SEMA5A: variants seen among roughly 807,000 people sequenced by gnomAD.
SEMA5A encodes the protein semaphorin-5A.
In SEMA5A, 55 loss-of-function variants were observed where a neutral mutation model predicts 135.5. The ratio of observed to expected loss-of-function variants is 0.41; its 90% CI spans 0.33 to 0.51. The LOEUF is 0.51. Among genes scored for constraint, SEMA5A ranks in the 20% least tolerant of loss-of-function variants. The probability of loss-of-function intolerance (pLI) is 0.37; values close to 1 mark genes in which losing one functional copy is unlikely to be tolerated. For synonymous variants in SEMA5A, 580 were observed against 546.5 expected (o/e 1.06, Z -0.85); for missense variants, 1,290 against 1,419.9 (o/e 0.91, Z 1.47).
intron 1 of SEMA5A, among the ~76,000 whole-genome samples, chr5:9,481,775 G>C (rs1264031620): frequency 1.3e-5 from 2 of 152,148 alleles, no homozygotes; most frequent in African/African-American, 2.4e-5. Context: ...GGAAATCACA[G>C]AAAGGCCACT....
chr5:9,151,733 A>T (rs904264156), intron 12 of SEMA5A, among the ~76,000 whole-genome samples: 1 of 152,106 alleles, frequency 6.6e-6, no homozygotes, highest in African/African-American at 2.4e-5. Flanking sequence ...GCAAAAACTA[A>T]CCCCCTCTGA....
At chr5:9,216,364 T>C (rs1746628508) in intron 8 of SEMA5A, among the ~76,000 whole-genome samples, 1 of 152,192 alleles carries the variant, frequency 6.6e-6, no homozygotes, top group Non-Finnish European at 1.5e-5. Context: ...TTGGTATGGT[T>C]TTGGTTCTTT....
intron 5 of SEMA5A, among the ~76,000 whole-genome samples, chr5:9,248,881 C>A (rs565446748): frequency 3.2e-4 from 48 of 152,278 alleles, no homozygotes; most frequent in Non-Finnish European, 5.9e-4. Flanking sequence ...TTAATTTGGA[C>A]TCCTAGCCTC....
At chr5:9,056,238 G>C (rs945751891) in intron 18 of SEMA5A, among the ~76,000 whole-genome samples, 1 of 152,188 alleles carries the variant, frequency 6.6e-6, no homozygotes, top group Non-Finnish European at 1.5e-5. Flanking sequence ...TCAGCATCAT[G>C]AATCAACAGG....
chr5:9,237,853 G>A lies in SEMA5A; in HGVS notation c.308C>T (p.Ala103Val). The A allele has an allele frequency of 6.2e-7, 1 of 1,613,496 alleles. No individual in the cohort carries two copies. The highest frequency in any genetic ancestry group is 2.2e-5 in the East Asian group (1 of 44,842). ...CTTTGATTTGCCTTTGCTGTAACAGGCCTTTTTGGTAGCTTCATCACACTC... is the reference window on the plus strand; with the variant it reads ...CTTTGATTTGCCTTTGCTGTAACAGACCTTTTTGGTAGCTTCATCACACTC... ...EWECDEATKK[A>V]CYSKGKSKEE... Residue 103 changes from alanine (A) to valine (V), a missense_variant, in exon 6 of 23, where the codon GCC (alanine) becomes GTC (valine). Ala to Val is a moderately conservative substitution (Grantham distance 64). Coordinates refer to ENST00000382496, the MANE Select transcript of SEMA5A (RefSeq NM_003966.3).
intron 21 of SEMA5A, chr5:9,045,821 T>C (rs539263412): frequency 6.6e-6 from 1 of 152,340 alleles, no homozygotes; most frequent in South Asian, 2.1e-4. Context: ...ATACAAAGCA[T>C]TCAGAAAATT....
chr5:9,056,538 A>T (rs754547651), intron 18 of SEMA5A, among the ~76,000 whole-genome samples: 3 of 152,218 alleles, frequency 2.0e-5, no homozygotes, highest in Non-Finnish European at 4.4e-5. Context: ...CCTGGCCAAC[A>T]TGGTGAAACC....
At position 9,038,607 on chromosome 5, in the gene SEMA5A, G is replaced by A. The variant is rs976682400; in HGVS notation, c.*4290C>T. The stretch of plus-strand genomic sequence containing the variant: ...TAACAAGGCTGTGTTTAGACAAAAC[G>A]ATTAGCTGAGTATAGACTTGATATA... On this transcript the variant is annotated 3_prime_UTR_variant, in exon 23 of 23. Transcript: ENST00000382496. 2.0e-5 allele frequency: 3 copies of A among 152,132 alleles called. No homozygotes were observed. Among genetic ancestry groups the A allele is most frequent in the Non-Finnish European group, 4.4e-5 (3 of 68,028 alleles). The allele number at this position is 152,132 out of a possible 1,614,324, so 9.4% of individuals were successfully genotyped here. A position where few individuals can be genotyped will look rare whatever the true frequency, so the allele number is the denominator to read the frequency against.
rs182314797 is a variant in SEMA5A, at chr5:9,110,678, G to A, written c.1926-2391C>T. ...ATGTGTAGGGGGTGAAGGAGCCTCCGGAGAGTCAAGAACCAACTGGGCAAG... is the reference window on the plus strand; with the variant it reads ...ATGTGTAGGGGGTGAAGGAGCCTCCAGAGAGTCAAGAACCAACTGGGCAAG... On this transcript the variant is annotated intron_variant, in intron 15 of 22. Coordinates refer to ENST00000382496, the MANE Select transcript of SEMA5A (RefSeq NM_003966.3). Among the ~76,000 whole-genome samples the A allele has an allele frequency of 2.8e-3, 432 of 152,250 alleles. 2 individuals carry two copies. The highest frequency in any genetic ancestry group is 3.8e-3 in the Non-Finnish European group (260 of 68,024).
At chr5:9,219,938 C>T (rs192637907) in intron 8 of SEMA5A, among the ~76,000 whole-genome samples, 296 of 151,878 alleles carry the variant, frequency 1.9e-3, no homozygotes, top group African/African-American at 7.0e-3. Flanking sequence ...CCTCAGTAGG[C>T]GGGCATGGTG....
intron 2 of SEMA5A, among the ~76,000 whole-genome samples, chr5:9,389,635 A>G (rs1297293131): frequency 1.3e-5 from 2 of 151,988 alleles, no homozygotes; most frequent in African/African-American, 4.8e-5. Context: ...TTTAGAACCC[A>G]TGCCCTCCTC....
chr5:9,238,728 T>C (rs1290331632), intron 5 of SEMA5A, among the ~76,000 whole-genome samples: 3 of 151,906 alleles, frequency 2.0e-5, no homozygotes, highest in African/African-American at 7.2e-5. Flanking sequence ...TATCATTGTA[T>C]AGAGTGTGAA....
At chr5:9,495,201 G>A (rs534810939) in intron 1 of SEMA5A, among the ~76,000 whole-genome samples, 2 of 152,256 alleles carry the variant, frequency 1.3e-5, no homozygotes, top group African/African-American at 4.8e-5. Context: ...GATACCTGGC[G>A]TCCCTGTGAG....
rs113875412 is a variant in SEMA5A, at chr5:9,349,926, C to CA, written c.125-12115dup. ...CAAAAAAACAAAACAAACAAACAAA[C>CA]AAAAAAAAAACATGCTATCAAAATA... is the stretch of plus-strand genomic sequence containing the variant. On this transcript the variant is annotated intron_variant, in intron 3 of 22. Transcript: ENST00000382496. Among the ~76,000 whole-genome samples, 608 of 147,782 alleles carry CA rather than the reference C, an allele frequency of 4.1e-3. 3 individuals are homozygous for CA. The highest frequency in any genetic ancestry group is 0.012 in the African/African-American group (488 of 40,242).
intron 5 of SEMA5A, among the ~76,000 whole-genome samples, chr5:9,282,391 T>G (rs893947987): frequency 7.9e-5 from 12 of 152,298 alleles, no homozygotes; most frequent in African/African-American, 2.9e-4. Flanking sequence ...TATTTGTCTC[T>G]GCGGTTTTCA....
intron 16 of SEMA5A, among the ~76,000 whole-genome samples, chr5:9,079,543 A>G (rs1306779939): frequency 1.3e-5 from 2 of 151,956 alleles, no homozygotes; most frequent in African/African-American, 2.4e-5. Flanking sequence ...CAAGCAGATG[A>G]CAAGAAATAA....
intron 11 of SEMA5A, among the ~76,000 whole-genome samples, chr5:9,156,929 T>C (rs1742987232): frequency 6.6e-6 from 1 of 152,284 alleles, no homozygotes; most frequent in Non-Finnish European, 1.5e-5. Flanking sequence ...ATAGTTTGAC[T>C]TAAAAGAGTG....
Position 9,380,163 on chromosome 5 carries a change from T to C in SEMA5A, c.-77-140A>G, listed in dbSNP as rs138071550. ...AGCTTGGAGGGCTTAGAGCAGCATA[T>C]TTTTCTAGTCATATCCCAGGTCGTG... On this transcript the variant is annotated intron_variant, in intron 2 of 22. Transcript: ENST00000382496. 6.0e-4 allele frequency: 337 copies of C among 558,246 alleles called. 6 individuals carry two copies. Among genetic ancestry groups the C allele is most frequent in the African/African-American group, 5.8e-3 (311 of 53,436 alleles). 34.6% of individuals were successfully genotyped at this position (558,246 alleles called of 1,614,324 possible).
chr5:9,333,638 CCAGT>C (rs1212817035), intron 4 of SEMA5A, among the ~76,000 whole-genome samples: 2 of 152,126 alleles, frequency 1.3e-5, no homozygotes, highest in Non-Finnish European at 2.9e-5. Context: ...TATACAAAAA[CCAGT>C]CATAATATAT....
Sources: allele counts gnomAD v4.1 joint callset (sites outside exome capture counted in the v4.1 genomes callset), GRCh38; gene constraint gnomAD v4.1.1; transcripts MANE v1.5; gene names NCBI Gene and HGNC (gene_info 2026-07-23, HGNC 2026-07-21).